ATP8B4: variants seen among roughly 807,000 people sequenced by gnomAD.
ATP8B4 encodes the protein ATPase phospholipid transporting 8B4 (putative).
Under a neutral mutation model 145.6 loss-of-function variants are expected in ATP8B4, and 133 were observed. That is an observed-to-expected ratio of 0.91 (90% CI 0.79 to 1.05). The LOEUF is 1.05. ATP8B4 is among the 50% of genes least tolerant of loss of function. The probability of loss-of-function intolerance (pLI) is 0.00; values close to 1 mark genes in which losing one functional copy is unlikely to be tolerated. For missense variants in ATP8B4, 1,458 were observed against 1,425.2 expected, an observed-to-expected ratio of 1.02 and a Z score of -0.37; for synonymous variants, 507 against 492.9, an observed-to-expected ratio of 1.03 and a Z score of -0.38.
At chr15:50,109,373 A>C (rs1001145169) in intron 1 of ATP8B4, among the ~76,000 whole-genome samples, 3 of 152,194 alleles carry the variant, frequency 2.0e-5, no homozygotes, top group Non-Finnish European at 4.4e-5. Context: ...AAATACTCAA[A>C]AAACAAACAA....
intron 14 of ATP8B4, among the ~76,000 whole-genome samples, chr15:49,951,607 C>A (rs2043110099): frequency 6.6e-6 from 1 of 152,110 alleles, no homozygotes; most frequent in African/African-American, 2.4e-5. Flanking sequence ...AGATGAGTCT[C>A]CTGAATACAG....
At chr15:50,005,333 A>G (rs950223180) in intron 7 of ATP8B4, among the ~76,000 whole-genome samples, 13 of 152,212 alleles carry the variant, frequency 8.5e-5, no homozygotes, top group Non-Finnish European at 1.2e-4. Flanking sequence ...TAGGGTTATT[A>G]GGCATAATAA....
intron 25 of ATP8B4, among the ~76,000 whole-genome samples, chr15:49,876,012 T>G (rs2034362570): frequency 1.3e-5 from 2 of 152,212 alleles, no homozygotes; most frequent in African/African-American, 2.4e-5. Flanking sequence ...AGTATAATCA[T>G]TTCTCTTTAC....
At chr15:50,141,659 G>C (rs758768492) in intron 1 of ATP8B4, among the ~76,000 whole-genome samples, 13 of 152,240 alleles carry the variant, frequency 8.5e-5, no homozygotes, top group African/African-American at 3.1e-4. Context: ...GAGCCGCACT[G>C]TGCATATGTG....
Position 50,010,851 on chromosome 15 carries a change from A to G in ATP8B4, c.429T>C (p.Phe143=). 1.9e-6 allele frequency: 3 copies of G among 1,555,484 alleles called. No homozygotes were observed. The highest frequency in any genetic ancestry group is 2.6e-6 in the Non-Finnish European group (3 of 1,147,446). Residue 143 remains phenylalanine, a synonymous_variant, in exon 7 of 28, where the codon TTT becomes TTC. Transcript: ENST00000284509. ...GDIIKLENNQ[F]VAADLLLLSS... ...AACAATATTGAATACTTACAGCAAC[A>G]AATTGGTTATTTTCTAATTTAATGA...
intron 6 of ATP8B4, among the ~76,000 whole-genome samples, chr15:50,033,811 G>A (rs1372800237): frequency 2.0e-5 from 3 of 152,108 alleles, no homozygotes; most frequent in Non-Finnish European, 2.9e-5. Context: ...AGAACTTGTG[G>A]TATTTGGTTT....
At chr15:50,094,905 C>A (rs2055869772) in intron 2 of ATP8B4, among the ~76,000 whole-genome samples, 1 of 152,020 alleles carries the variant, frequency 6.6e-6, no homozygotes, top group African/African-American at 2.4e-5. Flanking sequence ...CTAATACAAT[C>A]TTAATGGAAG....
chr15:50,058,331 A>G (rs911944475), intron 3 of ATP8B4, among the ~76,000 whole-genome samples: 10 of 152,192 alleles, frequency 6.6e-5, no homozygotes, highest in African/African-American at 2.4e-4. Flanking sequence ...TTCCTGAACT[A>G]CAACTTTGGA....
chr15:49,983,592 T>TCCCCACC (rs2046341212), intron 10 of ATP8B4, among the ~76,000 whole-genome samples: 1 of 152,116 alleles, frequency 6.6e-6, no homozygotes, highest in African/African-American at 2.4e-5. Flanking sequence ...TTTTTCCTCC[T>TCCCCACC]TCCCAACCCC....
chr15:50,098,435 C>T (rs1455596044), intron 2 of ATP8B4, among the ~76,000 whole-genome samples: 1 of 151,364 alleles, frequency 6.6e-6, no homozygotes, highest in Non-Finnish European at 1.5e-5. Flanking sequence ...CAGAACCATG[C>T]CACCATGCCC....
intron 13 of ATP8B4, among the ~76,000 whole-genome samples, chr15:49,969,924 A>G (rs1402082440): frequency 6.6e-6 from 1 of 152,208 alleles, no homozygotes; most frequent in Non-Finnish European, 1.5e-5. Flanking sequence ...CTTATCCACC[A>G]CGATCAAGTT....
intron 1 of ATP8B4, among the ~76,000 whole-genome samples, chr15:50,157,786 G>A (rs908747858): frequency 4.0e-5 from 6 of 151,824 alleles, no homozygotes; most frequent in Non-Finnish European, 7.4e-5. Context: ...CTCTCTCCAC[G>A]GTCTCCCTCT....
chr15:49,948,354 CAGG>C (rs1784628277), intron 14 of ATP8B4, among the ~76,000 whole-genome samples: 1 of 151,170 alleles, frequency 6.6e-6, no homozygotes, highest in South Asian at 2.1e-4. Flanking sequence ...GAGGCTGAGG[CAGG>C]AGAATTGTTT....
chr15:50,094,711 AC>A (rs1420301282), intron 2 of ATP8B4, among the ~76,000 whole-genome samples: 4 of 83,746 alleles, frequency 4.8e-5, no homozygotes, highest in Admixed American at 1.2e-4. Context: ...TATATATACT[AC>A]TATATATATA....
intron 1 of ATP8B4, among the ~76,000 whole-genome samples, chr15:50,165,444 G>A (rs2044581748): frequency 6.6e-6 from 1 of 152,146 alleles, no homozygotes; most frequent in Non-Finnish European, 1.5e-5. Flanking sequence ...TTTCTTTTGT[G>A]TGGATAGCTG....
chr15:49,994,776 A>G (rs1181855741), intron 9 of ATP8B4, among the ~76,000 whole-genome samples: 1 of 152,064 alleles, frequency 6.6e-6, no homozygotes, highest in African/African-American at 2.4e-5. Context: ...ATCAACTTAC[A>G]TGGCCACGAT....
At position 50,035,548 on chromosome 15, in the gene ATP8B4, T is replaced by C. The variant is rs8034257; in HGVS notation, c.362+3220A>G. 3.2e-3 allele frequency among the ~76,000 whole-genome samples: 484 copies of C among 152,200 alleles called. 3 individuals are homozygous for C. The highest frequency in any genetic ancestry group is 0.011 in the African/African-American group (470 of 41,512). On this transcript the variant is annotated intron_variant, in intron 6 of 27. Coordinates refer to ENST00000284509, the MANE Select transcript of ATP8B4 (RefSeq NM_024837.4). Reference sequence around the variant, plus strand: ...GGCCTTAATCTCCTCATCTTTAAAATTGGGGCACTATTACCCACACCTTAG... The same window carrying C: ...GGCCTTAATCTCCTCATCTTTAAAACTGGGGCACTATTACCCACACCTTAG...
intron 5 of ATP8B4, 43 bp from the exon 6 acceptor site, chr15:50,038,872 C>T (rs932795525): frequency 2.6e-6 from 4 of 1,539,994 alleles, no homozygotes; most frequent in Non-Finnish European, 3.6e-6. Context: ...TTACAAGGTA[C>T]TTTGTCAGCC....
At chr15:49,975,316 G>C (rs1460632540) in intron 12 of ATP8B4, among the ~76,000 whole-genome samples, 1 of 152,034 alleles carries the variant, frequency 6.6e-6, no homozygotes, top group Non-Finnish European at 1.5e-5. Context: ...TTATAGATTT[G>C]TTCTTGAACA....
Sources: allele counts gnomAD v4.1 joint callset (sites outside exome capture counted in the v4.1 genomes callset), GRCh38; gene constraint gnomAD v4.1.1; transcripts MANE v1.5; gene names NCBI Gene and HGNC (gene_info 2026-07-23, HGNC 2026-07-21).